The following HACE1 variants were observed in gnomAD, a reference collection of about 807,000 sequenced individuals.
HACE1 encodes the protein E3 ubiquitin-protein ligase HACE1.
In HACE1, 73 loss-of-function variants were observed where a neutral mutation model predicts 118.4. That is an observed-to-expected ratio of 0.62 (90% confidence interval 0.51 to 0.75). The LOEUF (loss-of-function observed/expected upper bound fraction) is 0.75, where lower values mean the gene tolerates loss of function less well. Ranked by LOEUF, HACE1 falls within the 30% of genes least tolerant of loss-of-function variation. HACE1 has a pLI of 0.00. For missense variants in HACE1, 749 were observed against 1,102.2 expected, an observed-to-expected ratio of 0.68 and a Z score of 4.54; for synonymous variants, 368 against 374.8, an observed-to-expected ratio of 0.98 and a Z score of 0.21.
chr6:104,781,903 G>A (rs923241375), intron 14 of HACE1, among the ~76,000 whole-genome samples: 4 of 152,140 alleles, frequency 2.6e-5, no homozygotes, highest in African/African-American at 9.7e-5. Context: ...CCCTCTCTGG[G>A]TCAACAAAGT....
intron 1 of HACE1, among the ~76,000 whole-genome samples, chr6:104,852,643 T>C (rs372832826): frequency 7.4e-4 from 112 of 152,304 alleles, no homozygotes; most frequent in African/African-American, 2.3e-3. Context: ...TCAGAAGGTT[T>C]TGTCCCATTA....
At chr6:104,846,658 G>A (rs1775698583) in intron 4 of HACE1, among the ~76,000 whole-genome samples, 1 of 152,152 alleles carries the variant, frequency 6.6e-6, no homozygotes, top group East Asian at 1.9e-4. Context: ...AAAACAAAAA[G>A]CTGGCCCCAA....
Position 104,732,487 on chromosome 6 carries a change from T to TA in HACE1, c.2514-2072dup, listed in dbSNP as rs1229582720. 3.3e-5 allele frequency: 5 copies of TA among 152,258 alleles called. No individual in the cohort carries two copies. In the East Asian group the frequency reaches 7.7e-4, roughly 23 times the overall value. 9.4% of individuals were successfully genotyped at this position (152,258 alleles called of 1,614,324 possible). A position where few individuals can be genotyped will look rare whatever the true frequency, so the allele number is the denominator to read the frequency against. On this transcript the variant is annotated intron_variant, in intron 22 of 23. Coordinates refer to ENST00000262903, the MANE Select transcript of HACE1 (RefSeq NM_020771.4). ...TATGATTCCATGTATACGAAGTTCT[T>TA]AGAGTAGTCAAATTCGTAGACATAA...
At chr6:104,762,721 T>C (rs1270572899) in intron 19 of HACE1, among the ~76,000 whole-genome samples, 2 of 151,942 alleles carry the variant, frequency 1.3e-5, no homozygotes, top group African/African-American at 4.8e-5. Flanking sequence ...CCGGGCGCGG[T>C]AGCTCACACC....
chr6:104,761,765 T>G (rs1779380439), intron 19 of HACE1, among the ~76,000 whole-genome samples: 2 of 152,178 alleles, frequency 1.3e-5, no homozygotes, highest in African/African-American at 4.8e-5. Flanking sequence ...ACAGGCAGCC[T>G]ACAGAATGGG....
At chr6:104,733,838 C>A (rs1300689899) in intron 22 of HACE1, among the ~76,000 whole-genome samples, 5 of 142,908 alleles carry the variant, frequency 3.5e-5, no homozygotes, top group Non-Finnish European at 3.0e-5. Flanking sequence ...GACTTCATCT[C>A]AAAAAAAAAA....
rs150843619 is a variant in HACE1 at position 104,769,075 on chromosome 6, C to T, written c.2211+2118G>A. On this transcript the variant is annotated intron_variant, in intron 19 of 23. Transcript: ENST00000262903. Reference sequence around the variant, plus strand: ...TAAGTGATAGGATCTTGCTCTGTCACTCAGGCTAGAGGGCAGTAATGTCAT... The same window carrying T: ...TAAGTGATAGGATCTTGCTCTGTCATTCAGGCTAGAGGGCAGTAATGTCAT... 6.7e-3 allele frequency among the ~76,000 whole-genome samples: 1,017 copies of T among 152,144 alleles called. 10 individuals carry two copies. Among genetic ancestry groups the T allele is most frequent in the South Asian group, 0.015 (73 of 4,806 alleles).
intron 6 of HACE1, among the ~76,000 whole-genome samples, chr6:104,830,338 CTAA>C (rs953747482): frequency 1.6e-4 from 24 of 151,954 alleles, no homozygotes; most frequent in Non-Finnish European, 2.9e-5. Flanking sequence ...TAAGTAAAAA[CTAA>C]TGAGAAGAAT....
intron 1 of HACE1, among the ~76,000 whole-genome samples, chr6:104,858,027 G>T (rs539695417): frequency 6.6e-6 from 1 of 151,192 alleles, no homozygotes; most frequent in East Asian, 1.9e-4. Context: ...ATTTTAACTT[G>T]TTAGGGAGGG....
intron 5 of HACE1, among the ~76,000 whole-genome samples, chr6:104,834,839 T>C (rs148953538): frequency 1.3e-5 from 2 of 152,186 alleles, no homozygotes; most frequent in Admixed American, 6.5e-5. Flanking sequence ...GGTTGAAAGT[T>C]TATTTAATAA....
chr6:104,792,465 T>C (rs1048538513), intron 10 of HACE1, among the ~76,000 whole-genome samples: 6 of 152,222 alleles, frequency 3.9e-5, no homozygotes, highest in African/African-American at 1.4e-4. Context: ...TTGAATCTAA[T>C]AATATATCTT....
At chr6:104,810,644 G>A (rs1405650280) in intron 7 of HACE1, among the ~76,000 whole-genome samples, 1 of 151,900 alleles carries the variant, frequency 6.6e-6, no homozygotes, top group African/African-American at 2.4e-5. Flanking sequence ...GCTCCTTAGG[G>A]AATAGAGTTT....
intron 22 of HACE1, among the ~76,000 whole-genome samples, chr6:104,733,033 A>G (rs1775381874): frequency 6.6e-6 from 1 of 152,250 alleles, no homozygotes; most frequent in Non-Finnish European, 1.5e-5. Context: ...AAAATTCAAC[A>G]TTAGTTAATT....
intron 19 of HACE1, among the ~76,000 whole-genome samples, chr6:104,766,304 G>T (rs1780012096): frequency 1.3e-5 from 2 of 151,986 alleles, no homozygotes; most frequent in African/African-American, 4.8e-5. Context: ...TTTTCCTTTG[G>T]GGATGCTGAA....
intron 7 of HACE1, among the ~76,000 whole-genome samples, chr6:104,807,647 T>C (rs1280329372): frequency 6.6e-6 from 1 of 152,118 alleles, no homozygotes; most frequent in Non-Finnish European, 1.5e-5. Flanking sequence ...ATTTCAGGAT[T>C]TGAAATATTG....
At chr6:104,774,716 G>C (rs1781045171) in intron 17 of HACE1, among the ~76,000 whole-genome samples, 1 of 152,120 alleles carries the variant, frequency 6.6e-6, no homozygotes. Flanking sequence ...GGACACAAAG[G>C]CGCAGAATAG....
intron 7 of HACE1, among the ~76,000 whole-genome samples, chr6:104,803,637 A>C (rs1398194065): frequency 2.0e-5 from 3 of 152,244 alleles, no homozygotes; most frequent in Non-Finnish European, 4.4e-5. Flanking sequence ...CAATAGATGC[A>C]GAAAAGGCCT....
At chr6:104,848,006 C>T (rs760436438) in intron 4 of HACE1, among the ~76,000 whole-genome samples, 13 of 151,798 alleles carry the variant, frequency 8.6e-5, no homozygotes, top group Non-Finnish European at 1.8e-4. Context: ...CATGTGCCAC[C>T]ATGCCTGGAT....
At chr6:104,762,366 G>T (rs974663407) in intron 19 of HACE1, among the ~76,000 whole-genome samples, 2 of 152,180 alleles carry the variant, frequency 1.3e-5, no homozygotes, top group South Asian at 4.1e-4. Context: ...ATACTATGCA[G>T]CCATAAAAAA....
Sources: gnomAD v4.1 joint callset for allele counts (sites outside exome capture counted in the v4.1 genomes callset) on GRCh38, gnomAD v4.1.1 for gene constraint, MANE v1.5 for transcripts, NCBI Gene and HGNC (gene_info 2026-07-23, HGNC 2026-07-21) for gene names.